The following DNAH9 variants were observed in gnomAD, a reference collection of about 807,000 sequenced individuals.
DNAH9 encodes dynein axonemal heavy chain 9, also known as DNAH9 variant protein.
A neutral mutation model predicts 471.6 loss-of-function variants in DNAH9; 345 were observed. The ratio of observed to expected loss-of-function variants is 0.73; its 90% CI spans 0.67 to 0.80. The LOEUF (loss-of-function observed/expected upper bound fraction) is 0.80, where lower values mean the gene tolerates loss of function less well. Ranked by LOEUF, DNAH9 falls within the 30% of genes least tolerant of loss-of-function variation. The pLI is 0.00. For missense variants in DNAH9, 5,407 were observed against 5,609.2 expected, an observed-to-expected ratio of 0.96 and a Z score of 1.15; for synonymous variants, 2,093 against 2,123.6, an observed-to-expected ratio of 0.99 and a Z score of 0.40.
chr17:11,917,425 G>A, intron 61 of DNAH9, among the ~76,000 whole-genome samples: 1 of 152,144 alleles, frequency 6.6e-6, no homozygotes, highest in South Asian at 2.1e-4. Flanking sequence ...CCAAAGTGCT[G>A]GGATTACAGA....
chr17:11,871,458 T>C (rs1166974046), intron 51 of DNAH9, 140 bp from the exon 52 acceptor site: 1 of 720,044 alleles, frequency 1.4e-6, no homozygotes, highest in Non-Finnish European at 2.3e-6. Context: ...CAAATCCCCA[T>C]TAACGGAAAG....
In DNAH9 at chr17:11,929,900, T is replaced by C. The variant is rs541456672; in HGVS notation, c.11912T>C (p.Leu3971Pro). The change falls in exon 63 of 69, where the codon CTG becomes CCG. Residue 3971 changes from leucine to proline, a missense_variant. Leu to Pro is a moderately conservative substitution (Grantham distance 98). Transcript: ENST00000262442. ...IHLVAKWLST[L>P]EKKLEEHSEN... ...CTGGTGGCCAAGTGGCTCAGCACCC[T>C]GGAGAAGAAGCTGGAGGAGCACAGT... 1.2e-6 allele frequency: 2 copies of C among 1,613,928 alleles called. No individual in the cohort carries two copies. The highest frequency in any genetic ancestry group is 3.3e-5 in the Admixed American group (2 of 59,978).
At chr17:11,760,624 A>T (rs1041621685) in intron 35 of DNAH9, among the ~76,000 whole-genome samples, 11 of 151,510 alleles carry the variant, frequency 7.3e-5, no homozygotes, top group African/African-American at 2.7e-4. Context: ...GGTTCAAGAG[A>T]TTCTCCTGCC....
chr17:11,934,752 T>TGACAAA (rs1368924679), intron 65 of DNAH9, among the ~76,000 whole-genome samples: 21 of 151,970 alleles, frequency 1.4e-4, no homozygotes, highest in Admixed American at 1.4e-3. Flanking sequence ...GCGCCTGGCC[T>TGACAAA]GACAAAGCCG....
At chr17:11,658,585 T>A (rs553679786) in intron 14 of DNAH9, among the ~76,000 whole-genome samples, 2 of 152,242 alleles carry the variant, frequency 1.3e-5, no homozygotes, top group South Asian at 4.1e-4. Flanking sequence ...CATTTCCAAT[T>A]ATATGGAGAC....
chr17:11,751,927 G>T (rs74950741), intron 32 of DNAH9, among the ~76,000 whole-genome samples: 2,246 of 152,196 alleles, frequency 0.015, 69 homozygotes, highest in African/African-American at 0.052. Flanking sequence ...ACAAAATTTG[G>T]TAACTTTTCT....
chr17:11,885,276 G>A (rs1334829564), intron 56 of DNAH9, among the ~76,000 whole-genome samples: 1 of 152,176 alleles, frequency 6.6e-6, no homozygotes, highest in African/African-American at 2.4e-5. Context: ...ACCCACATTG[G>A]GTGAGAGGGA....
At chr17:11,708,818 A>C (rs757374694) in intron 26 of DNAH9, among the ~76,000 whole-genome samples, 2 of 152,160 alleles carry the variant, frequency 1.3e-5, no homozygotes, top group South Asian at 4.1e-4. Flanking sequence ...TGATAAATCT[A>C]TCCCCCGCTC....
rs572927408 is a variant in DNAH9 at position 11,871,927 on chromosome 17, G to A, written c.10242+141G>A. The A allele has an allele frequency of 7.1e-4, 636 of 895,310 alleles. 2 individuals carry two copies. Among genetic ancestry groups the A allele is most frequent in the Non-Finnish European group, 1.0e-3 (592 of 591,576 alleles). 55.5% of individuals were successfully genotyped at this position (895,310 alleles called of 1,614,324 possible). On this transcript the variant is annotated intron_variant, in intron 52 of 68. Coordinates refer to ENST00000262442, the MANE Select transcript of DNAH9 (RefSeq NM_001372.4). ...CCTGAGCACCAGGTGTGAAACCTGC[G>A]TACCCGTGTCCTTCCACACTGCCTT...
At chr17:11,913,540 T>G (rs1295564804) in intron 61 of DNAH9, among the ~76,000 whole-genome samples, 1 of 152,156 alleles carries the variant, frequency 6.6e-6, no homozygotes, top group Non-Finnish European at 1.5e-5. Context: ...CCCAGCACTT[T>G]GGGAGGCCGA....
chr17:11,747,544 C>T lies in DNAH9; in HGVS notation c.6400-12C>T, dbSNP rs1384327356. 1 of 1,611,816 alleles carries T rather than the reference C, an allele frequency of 6.2e-7. No homozygotes were observed. Among genetic ancestry groups the T allele is most frequent in the Non-Finnish European group, 8.5e-7 (1 of 1,179,174 alleles). On this transcript the variant is annotated splice_polypyrimidine_tract_variant and intron_variant, in intron 31 of 68. Transcript: ENST00000262442. ...AGGCTGGTCCCTCTGGCTGAATTTC[C>T]TGCCTCCTCAGGTGGTCCAGCTGGA...
rs187367373 is a variant in DNAH9 at position 11,911,639 on chromosome 17, A to C, written c.11749+5830A>C. ...AAATAATAAATGTAGCTTGAATTTCAGTAAGGACTGCACTGAATATGTAGA... is the reference window on the plus strand; with the variant it reads ...AAATAATAAATGTAGCTTGAATTTCCGTAAGGACTGCACTGAATATGTAGA... On this transcript the variant is annotated intron_variant, in intron 61 of 68. Transcript: ENST00000262442. 2.8e-4 allele frequency among the ~76,000 whole-genome samples: 43 copies of C among 152,324 alleles called. 3 individuals are homozygous for C. The highest frequency in any genetic ancestry group is 1.7e-3 in the East Asian group (9 of 5,186).
At chr17:11,964,884 G>C (rs1976560392) in intron 68 of DNAH9, among the ~76,000 whole-genome samples, 1 of 151,480 alleles carries the variant, frequency 6.6e-6, no homozygotes, top group African/African-American at 2.4e-5. Flanking sequence ...TCATTATTTT[G>C]CCTGTCCAGG....
intron 62 of DNAH9, among the ~76,000 whole-genome samples, chr17:11,926,488 A>G (rs1384409645): frequency 1.3e-5 from 2 of 152,116 alleles, no homozygotes; most frequent in Non-Finnish European, 2.9e-5. Flanking sequence ...GCTCCCACTT[A>G]TAAGTGAGAA....
At chr17:11,669,898 T>A in intron 17 of DNAH9, 104 bp downstream of exon 17, 1 of 1,006,228 alleles carries the variant, frequency 9.9e-7, no homozygotes, top group Non-Finnish European at 1.5e-6. Flanking sequence ...TTGGTTAAAT[T>A]AAAGATTAAG....
At chr17:11,723,786 G>A (rs763761848) in intron 27 of DNAH9, among the ~76,000 whole-genome samples, 35 of 152,030 alleles carry the variant, frequency 2.3e-4, no homozygotes, top group Admixed American at 3.9e-4. Flanking sequence ...TCCTGCCTCA[G>A]CCTCCCGAGT....
chr17:11,939,999 T>C lies in DNAH9; in HGVS notation c.12661-2304T>C, dbSNP rs148774982. Among the ~76,000 whole-genome samples, 5 of 152,292 alleles carry C rather than the reference T, an allele frequency of 3.3e-5. No homozygotes were observed. In the East Asian group the frequency reaches 9.6e-4, roughly 29 times the overall value. ...ACTGAAGGGCATCTGCAGGAATATA[T>C]ACCAAAAAACCAATAGTTGAACAGT... On this transcript the variant is annotated intron_variant, in intron 66 of 68. Transcript: ENST00000262442.
chr17:11,693,103 C>T (rs1200287648), intron 20 of DNAH9, among the ~76,000 whole-genome samples: 13 of 142,798 alleles, frequency 9.1e-5, no homozygotes, highest in Admixed American at 6.6e-4. Context: ...TTAGTAGAGA[C>T]GGGGTTTCAC....
At chr17:11,927,827 C>T (rs1597836902) in intron 62 of DNAH9, among the ~76,000 whole-genome samples, 1 of 152,162 alleles carries the variant, frequency 6.6e-6, no homozygotes, top group African/African-American at 2.4e-5. Flanking sequence ...TCTCTGAATC[C>T]ACCCCAGGGT....
Sources: gnomAD v4.1 joint callset for allele counts (sites outside exome capture counted in the v4.1 genomes callset) on GRCh38, gnomAD v4.1.1 for gene constraint, MANE v1.5 for transcripts, NCBI Gene and HGNC (gene_info 2026-07-23, HGNC 2026-07-21) for gene names.